The following LTBP1 variants were observed in gnomAD, a reference collection of about 807,000 sequenced individuals.
The protein encoded by LTBP1 is latent transforming growth factor beta binding protein 1.
LTBP1 carries 129 observed loss-of-function variants against 207.6 expected under a neutral mutation model. The observed-to-expected ratio is 0.62, with a 90% CI of 0.54 to 0.72. The LOEUF (loss-of-function observed/expected upper bound fraction) is 0.72, where lower values mean the gene tolerates loss of function less well. Among genes scored for constraint, LTBP1 ranks in the 30% least tolerant of loss-of-function variants. The probability of loss-of-function intolerance (pLI) is 0.00; values close to 1 mark genes in which losing one functional copy is unlikely to be tolerated. For missense variants in LTBP1, 2,281 were observed against 2,217.2 expected (o/e 1.03, Z -0.58); for synonymous variants, 963 against 833.7 (o/e 1.16, Z -2.67).
At chr2:33,219,590 G>A (rs2090961219) in intron 8 of LTBP1, among the ~76,000 whole-genome samples, 1 of 151,974 alleles carries the variant, frequency 6.6e-6, no homozygotes, top group African/African-American at 2.4e-5. Flanking sequence ...CTGTCTGTAG[G>A]AATATTGAGG....
intron 7 of LTBP1, among the ~76,000 whole-genome samples, chr2:33,199,305 A>G (rs542337056): frequency 5.3e-5 from 8 of 152,070 alleles, no homozygotes; most frequent in Non-Finnish European, 1.2e-4. Flanking sequence ...TGCCAAGGAG[A>G]GCTTTACTTC....
intron 3 of LTBP1, among the ~76,000 whole-genome samples, chr2:33,108,140 A>G (rs981267848): frequency 6.6e-6 from 1 of 152,032 alleles, no homozygotes; most frequent in Non-Finnish European, 1.5e-5. Context: ...GTGATTTCAT[A>G]TAATGCTTGT....
Position 33,300,461 on chromosome 2 carries a change from A to G in LTBP1, c.3246A>G (p.Glu1082=). Residue 1082 remains glutamate (E), a synonymous_variant, in exon 21 of 34, where the codon GAA becomes GAG. Transcript: ENST00000404816. ...PDHKHCRDID[E]CQQGNLCVNG... ...TTGTTGTGTTTGCAGATATTGATGA[A>G]TGTCAGCAAGGGAATCTATGTGTAA... The G allele has an allele frequency of 6.2e-7, 1 of 1,613,080 alleles. No homozygotes were observed. The highest frequency in any genetic ancestry group is 1.7e-5 in the Admixed American group (1 of 60,006).
chr2:33,374,364 C>A (rs1364071926), intron 31 of LTBP1, among the ~76,000 whole-genome samples: 1 of 152,104 alleles, frequency 6.6e-6, no homozygotes, highest in Non-Finnish European at 1.5e-5. Flanking sequence ...AAGTTGAGAC[C>A]TCTTCGTGAG....
At chr2:33,231,386 C>G (rs2091779673) in intron 9 of LTBP1, among the ~76,000 whole-genome samples, 1 of 152,174 alleles carries the variant, frequency 6.6e-6, no homozygotes, top group African/African-American at 2.4e-5. Context: ...CGGAGTGCAT[C>G]TGAAATCACA....
chr2:33,262,062 T>C (rs938565229), intron 13 of LTBP1, among the ~76,000 whole-genome samples: 4 of 152,164 alleles, frequency 2.6e-5, no homozygotes, highest in African/African-American at 9.7e-5. Context: ...CCACGGATGA[T>C]GGACTGCTTC....
chr2:33,367,648 C>G (rs1244729193), intron 31 of LTBP1, among the ~76,000 whole-genome samples: 1 of 152,166 alleles, frequency 6.6e-6, no homozygotes, highest in East Asian at 1.9e-4. Context: ...ATAGTGACCT[C>G]CAGTTCCGCC....
chr2:33,366,082 G>T (rs2094983575), intron 31 of LTBP1, among the ~76,000 whole-genome samples: 1 of 152,194 alleles, frequency 6.6e-6, no homozygotes, highest in African/African-American at 2.4e-5. Flanking sequence ...GACAGGCTAA[G>T]CTCCCAGTTT....
chr2:33,134,567 C>G lies in LTBP1; in HGVS notation c.1034-226C>G, dbSNP rs898618751. The G allele has an allele frequency of 1.8e-5, 28 of 1,533,526 alleles. No homozygotes were observed. The highest frequency in any genetic ancestry group is 2.3e-5 in the Non-Finnish European group (26 of 1,136,892). The allele number at this position is 1,533,526 out of a possible 1,614,324, so 95.0% of individuals were successfully genotyped here. ...TGGTTTTGGAGTGCATCCCAGAGTT[C>G]TGTTTGCTAAGCTTCCTACTCCTGT... On this transcript the variant is annotated intron_variant, in intron 4 of 33. Transcript: ENST00000404816. This position sits in a 1 kb window ranked among gnomAD's most constrained non-coding sequence, Gnocchi z 4.4.
intron 7 of LTBP1, among the ~76,000 whole-genome samples, chr2:33,189,120 CTG>C (rs1326835370): frequency 6.6e-6 from 1 of 152,144 alleles, no homozygotes; most frequent in Non-Finnish European, 1.5e-5. Context: ...AAAATATTTA[CTG>C]TGTGTCTTTT....
intron 26 of LTBP1, among the ~76,000 whole-genome samples, chr2:33,349,277 C>T (rs575048069): frequency 6.6e-6 from 1 of 152,218 alleles, no homozygotes; most frequent in Non-Finnish European, 1.5e-5. Context: ...AGGTGAAACC[C>T]TGTCTCTACT....
At chr2:33,165,641 A>G (rs2084847212) in intron 5 of LTBP1, among the ~76,000 whole-genome samples, 1 of 152,190 alleles carries the variant, frequency 6.6e-6, no homozygotes, top group South Asian at 2.1e-4. Flanking sequence ...ACTAGACTTT[A>G]AACTTGTACA....
chr2:33,214,615 A>T (rs1353839876), intron 7 of LTBP1, among the ~76,000 whole-genome samples: 1 of 152,148 alleles, frequency 6.6e-6, no homozygotes, highest in Non-Finnish European at 1.5e-5. Context: ...CACGTGGTTA[A>T]ACACTTTGCT....
intron 4 of LTBP1, among the ~76,000 whole-genome samples, chr2:33,114,196 G>T (rs150662832): frequency 7.3e-4 from 111 of 152,308 alleles, no homozygotes; most frequent in African/African-American, 2.6e-3. Context: ...TGCTTTATTT[G>T]TTGGCCTTAA....
At chr2:33,275,965 G>C (rs1444607005) in intron 18 of LTBP1, 42 bp downstream of exon 18, 2 of 1,527,920 alleles carry the variant, frequency 1.3e-6, no homozygotes, top group East Asian at 4.7e-5. Flanking sequence ...ACGGTGATGT[G>C]CAGGGTTGGT....
intron 3 of LTBP1, among the ~76,000 whole-genome samples, chr2:33,045,462 A>G (rs1313482328): frequency 6.6e-6 from 1 of 152,128 alleles, no homozygotes; most frequent in Non-Finnish European, 1.5e-5. Flanking sequence ...GTTCTGTGCC[A>G]TTGGTCTGTA....
intron 26 of LTBP1, among the ~76,000 whole-genome samples, chr2:33,355,520 AT>A (rs2094847676): frequency 6.6e-6 from 1 of 151,728 alleles, no homozygotes; most frequent in South Asian, 2.1e-4. Flanking sequence ...TATGTTTTTT[AT>A]TTTTTCAAAT....
intron 31 of LTBP1, among the ~76,000 whole-genome samples, chr2:33,385,297 C>T (rs556595141): frequency 1.3e-5 from 2 of 152,242 alleles, no homozygotes; most frequent in African/African-American, 2.4e-5. Context: ...ACCTGTGGAC[C>T]GTTCTTCCAT....
At chr2:33,381,982 G>T (rs72861455) in intron 31 of LTBP1, among the ~76,000 whole-genome samples, 3,135 of 150,768 alleles carry the variant, frequency 0.021, 107 homozygotes, top group African/African-American at 0.072. Flanking sequence ...GTAGTGTCTG[G>T]TGCGTAGGAA....
Sources: allele counts gnomAD v4.1 joint callset (sites outside exome capture counted in the v4.1 genomes callset), GRCh38; gene constraint gnomAD v4.1.1; non-coding constraint Gnocchi (gnomAD v3.1); transcripts MANE v1.5; gene names NCBI Gene and HGNC (gene_info 2026-07-23, HGNC 2026-07-21).